Variants in SRGAP2 observed in about 807,000 individuals in gnomAD.
The protein encoded by SRGAP2 is SLIT-ROBO Rho GTPase-activating protein 2.
Under a neutral mutation model 57.2 loss-of-function variants are expected in SRGAP2, and 15 were observed. That is an observed-to-expected ratio of 0.26 (90% CI 0.18 to 0.40). The LOEUF is 0.40. Among genes scored for constraint, SRGAP2 ranks in the 10% least tolerant of loss-of-function variants. The pLI, the probability that SRGAP2 is intolerant of heterozygous loss-of-function variation, is 1.00. For missense variants in SRGAP2, 520 were observed against 669.6 expected (o/e 0.78, Z 2.47); for synonymous variants, 249 against 248.0 (o/e 1.00, Z -0.04).
chr1:206,263,075 T>G (rs1361055758), intron 2 of SRGAP2, among the ~76,000 whole-genome samples: 5 of 151,214 alleles, frequency 3.3e-5, no homozygotes, highest in African/African-American at 9.7e-5. Context: ...AAGACTTTTT[T>G]TTTTCCTATA....
At chr1:206,342,372 G>T (rs1223138334) in intron 3 of SRGAP2, among the ~76,000 whole-genome samples, 3 of 151,784 alleles carry the variant, frequency 2.0e-5, no homozygotes, top group Admixed American at 6.6e-5. Flanking sequence ...CTTAGACCTG[G>T]TCTAGCCAGA....
At chr1:206,444,610 A>G (rs1662592907) in intron 17 of SRGAP2, among the ~76,000 whole-genome samples, 1 of 152,218 alleles carries the variant, frequency 6.6e-6, no homozygotes, top group African/African-American at 2.4e-5. Flanking sequence ...AGCCTGCAGC[A>G]CCTCATGCCT....
At chr1:206,267,220 T>G (rs1553314783) in intron 2 of SRGAP2, among the ~76,000 whole-genome samples, 2 of 152,018 alleles carry the variant, frequency 1.3e-5, no homozygotes, top group Non-Finnish European at 2.9e-5. Context: ...CGCCTGCCTC[T>G]GCCTCCCAAA....
At chr1:206,457,488 G>T (rs1324800913) in intron 21 of SRGAP2, among the ~76,000 whole-genome samples, 4 of 152,200 alleles carry the variant, frequency 2.6e-5, no homozygotes, top group African/African-American at 9.6e-5. Context: ...AGTTAGTGGT[G>T]CCAGGGAAAT....
intron 4 of SRGAP2, among the ~76,000 whole-genome samples, chr1:206,354,319 C>T (rs1196941360): frequency 6.6e-6 from 1 of 152,130 alleles, no homozygotes; most frequent in Non-Finnish European, 1.5e-5. Flanking sequence ...CTTGTGGGGG[C>T]TTGGCTTTAT....
intron 3 of SRGAP2, among the ~76,000 whole-genome samples, chr1:206,304,636 C>G (rs1672082277): frequency 6.6e-6 from 1 of 151,262 alleles, no homozygotes; most frequent in Non-Finnish European, 1.5e-5. Context: ...CAGTTTCTCT[C>G]CATTCCAATC....
At chr1:206,382,660 A>C (rs1553347356) in intron 4 of SRGAP2, among the ~76,000 whole-genome samples, 1 of 152,166 alleles carries the variant, frequency 6.6e-6, no homozygotes, top group South Asian at 2.1e-4. Context: ...TATAATAAAC[A>C]TACATTACTT....
At chr1:206,458,453 G>A in intron 21 of SRGAP2, 170 bp from the exon 22 acceptor site, 2 of 715,674 alleles carry the variant, frequency 2.8e-6, no homozygotes, top group Non-Finnish European at 5.2e-6. Context: ...GGTGGCAAGG[G>A]AATGAAGACA....
chr1:206,236,318 G>T (rs1203814860), intron 2 of SRGAP2, among the ~76,000 whole-genome samples: 2 of 152,220 alleles, frequency 1.3e-5, no homozygotes, highest in Non-Finnish European at 2.9e-5. Flanking sequence ...CGAATAAACC[G>T]AAATGTATTA....
At chr1:206,333,113 G>A (rs1674496920) in intron 3 of SRGAP2, among the ~76,000 whole-genome samples, 1 of 143,996 alleles carries the variant, frequency 6.9e-6, no homozygotes, top group Non-Finnish European at 1.5e-5. Flanking sequence ...CTCCCAGTTA[G>A]GCTGCTCGGG....
At chr1:206,415,407 G>A (rs1456266773) in intron 10 of SRGAP2, among the ~76,000 whole-genome samples, 1 of 152,226 alleles carries the variant, frequency 6.6e-6, no homozygotes, top group Non-Finnish European at 1.5e-5. Context: ...ATGGCTCAAA[G>A]ATGCTCCACA....
intron 4 of SRGAP2, among the ~76,000 whole-genome samples, chr1:206,377,988 CT>C (rs1345752019): frequency 4.4e-5 from 4 of 91,416 alleles, no homozygotes; most frequent in Admixed American, 1.3e-4. Context: ...TGTAACCAGT[CT>C]TTTTAAACCT....
intron 21 of SRGAP2, 87 bp from the exon 22 acceptor site, chr1:206,458,536 T>C: frequency 1.5e-6 from 1 of 684,162 alleles, no homozygotes; most frequent in South Asian, 1.7e-5. Flanking sequence ...AGTCCCTGGG[T>C]GCCAACATCT....
intron 14 of SRGAP2, among the ~76,000 whole-genome samples, chr1:206,434,431 A>G (rs2103306807): frequency 6.6e-6 from 1 of 152,338 alleles, no homozygotes; most frequent in Admixed American, 6.5e-5. Context: ...GCACAATGGA[A>G]GGTTTTGTGC....
At chr1:206,291,677 A>G (rs1671329644) in intron 2 of SRGAP2, among the ~76,000 whole-genome samples, 1 of 150,122 alleles carries the variant, frequency 6.7e-6, no homozygotes, top group Admixed American at 6.6e-5. Context: ...TTGGCACATA[A>G]TAAGCACTTA....
chr1:206,310,521 T>C (rs367621894), intron 3 of SRGAP2, among the ~76,000 whole-genome samples: 23 of 152,244 alleles, frequency 1.5e-4, no homozygotes, highest in East Asian at 7.7e-4. Flanking sequence ...CCTGCTCAAG[T>C]TCAGTGAATA....
chr1:206,458,010 G>T (rs1172341500), intron 21 of SRGAP2, among the ~76,000 whole-genome samples: 1 of 152,352 alleles, frequency 6.6e-6, no homozygotes, highest in East Asian at 1.9e-4. Context: ...TCAGCCCAGT[G>T]CTGGGTGACT....
Position 206,421,307 on chromosome 1 carries a change from C to A in SRGAP2, c.1494+33C>A, listed in dbSNP as rs1490332750. 8 of 768,540 alleles carry A rather than the reference C, an allele frequency of 1.0e-5. No individual in the cohort carries two copies. The African/African-American group carries it at 1.2e-4, about 11-fold the overall frequency. The allele number at this position is 768,540 out of a possible 1,614,324, so 47.6% of individuals were successfully genotyped here. A position where few individuals can be genotyped will look rare whatever the true frequency, so the allele number is the denominator to read the frequency against. ...CCCAAGCGGGGCCAGGCTGGTCTGG[C>A]CTGAAAATATAGTCCATCCCACAGG... is the stretch of plus-strand genomic sequence containing the variant. On this transcript the variant is annotated intron_variant, in intron 13 of 22. Transcript: ENST00000573034.
chr1:206,444,344 T>A (rs1371468614), intron 17 of SRGAP2, among the ~76,000 whole-genome samples: 1 of 152,224 alleles, frequency 6.6e-6, no homozygotes, highest in Non-Finnish European at 1.5e-5. Context: ...AAGCTCCTGG[T>A]CATTGTAGCC....
Sources: gnomAD v4.1 joint callset for allele counts (sites outside exome capture counted in the v4.1 genomes callset) on GRCh38, gnomAD v4.1.1 for gene constraint, MANE v1.5 for transcripts, NCBI Gene and HGNC (gene_info 2026-07-23, HGNC 2026-07-21) for gene names.